Variants in SLC9A1 observed in about 807,000 individuals in gnomAD.
The protein encoded by SLC9A1 is sodium/hydrogen exchanger 1.
Under a neutral mutation model 67.9 loss-of-function variants are expected in SLC9A1, and 22 were observed. That is an observed-to-expected ratio of 0.32 (90% CI 0.23 to 0.46). The LOEUF (loss-of-function observed/expected upper bound fraction) is 0.46, where lower values mean the gene tolerates loss of function less well. Among genes scored for constraint, SLC9A1 ranks in the 20% least tolerant of loss-of-function variants. The pLI, the probability that SLC9A1 is intolerant of heterozygous loss-of-function variation, is 1.00. For synonymous variants in SLC9A1, 421 were observed against 471.8 expected (o/e 0.89, Z 1.40); for missense variants, 686 against 1,094.8 (o/e 0.63, Z 5.27).
In SLC9A1 at chr1:27,100,782, G is replaced by T. The variant is rs527976968; in HGVS notation, c.2111-138C>A. 16 of 701,682 alleles carry T rather than the reference G, an allele frequency of 2.3e-5. No homozygotes were observed. In the African/African-American group the frequency reaches 2.8e-4, roughly 12 times the overall value. The allele number at this position is 701,682 out of a possible 1,614,324, so 43.5% of individuals were successfully genotyped here. A position where few individuals can be genotyped will look rare whatever the true frequency, so the allele number is the denominator to read the frequency against. ...CGGTCCCAACAGGCCTCAGAAGCAG[G>T]CCTCTGCGACCTTCCACCCCACAGC... is the stretch of plus-strand genomic sequence containing the variant. On this transcript the variant is annotated intron_variant, in intron 11 of 11. Coordinates refer to ENST00000263980, the MANE Select transcript of SLC9A1 (RefSeq NM_003047.5). The surrounding 1 kb of genome is among the most constrained non-coding windows in gnomAD (Gnocchi z 5.6).
At position 27,100,433 on chromosome 1, in the gene SLC9A1, G is replaced by A. The variant is rs777703534; in HGVS notation, c.2322C>T (p.Thr774=). Residue 774 remains threonine, a synonymous_variant, in exon 12 of 12, where the codon ACC becomes ACT. Coordinates refer to ENST00000263980, the MANE Select transcript of SLC9A1 (RefSeq NM_003047.5). The surrounding 1 kb of genome is among the most constrained non-coding windows in gnomAD (Gnocchi z 5.6). ...MRSKETSSPG[T]DDVFTPAPSD... ...TGGGCGCGGGGGTGAAGACATCGTC[G>A]GTTCCTGGGGACGAAGTCTCCTTGC... 5.3e-5 allele frequency: 85 copies of A among 1,613,004 alleles called. No homozygotes were observed. Among genetic ancestry groups the A allele is most frequent in the African/African-American group, 6.7e-5 (5 of 74,908 alleles).
intron 1 of SLC9A1, among the ~76,000 whole-genome samples, chr1:27,148,205 T>C (rs2083502688): frequency 6.6e-6 from 1 of 152,166 alleles, no homozygotes; most frequent in African/African-American, 2.4e-5. Context: ...AAGTCCTCCA[T>C]TTCAAAGATT....
Position 27,109,390 on chromosome 1 carries a change from G to T in SLC9A1, c.1064+137C>A, listed in dbSNP as rs192471551. 15 of 938,732 alleles carry T rather than the reference G, an allele frequency of 1.6e-5. No individual in the cohort carries two copies. The East Asian group carries it at 3.6e-4, about 23-fold the overall frequency. 58.2% of individuals were successfully genotyped at this position (938,732 alleles called of 1,614,324 possible). A position where few individuals can be genotyped will look rare whatever the true frequency, so the allele number is the denominator to read the frequency against. ...TAAATGGCTACCAAGCAGGTCTGGA[G>T]CCTGGAGTTCATGTCTCATCCCTGG... On this transcript the variant is annotated intron_variant, in intron 3 of 11. Transcript: ENST00000263980. The surrounding 1 kb of genome is among the most constrained non-coding windows in gnomAD (Gnocchi z 5.5).
chr1:27,147,431 C>G (rs2124213685), intron 1 of SLC9A1, among the ~76,000 whole-genome samples: 1 of 151,922 alleles, frequency 6.6e-6, no homozygotes. Flanking sequence ...GCGGAGGTTG[C>G]TGTGAGCCGA....
intron 2 of SLC9A1, among the ~76,000 whole-genome samples, chr1:27,111,824 TAAAA>T (rs995333848): frequency 2.0e-5 from 3 of 151,860 alleles, no homozygotes; most frequent in African/African-American, 7.3e-5. Context: ...AATAAATAAA[TAAAA>T]ATGAGGCAAT....
At chr1:27,117,815 C>T (rs957259211) in intron 1 of SLC9A1, among the ~76,000 whole-genome samples, 48 of 152,178 alleles carry the variant, frequency 3.2e-4, no homozygotes, top group African/African-American at 5.8e-4. Flanking sequence ...TGTCTCAAAC[C>T]GGTAGCAGAG....
intron 1 of SLC9A1, among the ~76,000 whole-genome samples, chr1:27,152,267 C>T (rs567639504): frequency 9.5e-4 from 145 of 152,184 alleles, no homozygotes; most frequent in Non-Finnish European, 1.9e-3. Flanking sequence ...AGAGTGGGGT[C>T]TCTGCAGTCA....
At chr1:27,145,664 G>A (rs1362260980) in intron 1 of SLC9A1, among the ~76,000 whole-genome samples, 2 of 152,210 alleles carry the variant, frequency 1.3e-5, no homozygotes, top group African/African-American at 4.8e-5. Flanking sequence ...CAGGGAAGGG[G>A]GCCTGGGAAG....
At position 27,125,237 on chromosome 1, in the gene SLC9A1, C is replaced by CTTT. The variant is rs71010327; in HGVS notation, c.353-10954_353-10952dup. Among the ~76,000 whole-genome samples the CTTT allele has an allele frequency of 4.5e-3, 392 of 86,882 alleles. 43 individuals are homozygous for CTTT. The highest frequency in any genetic ancestry group is 0.012 in the South Asian group (24 of 2,020). 57.0% of individuals were successfully genotyped at this position (86,882 alleles called of 152,430 possible). A position where few individuals can be genotyped will look rare whatever the true frequency, so the allele number is the denominator to read the frequency against. On this transcript the variant is annotated intron_variant, in intron 1 of 11. Transcript: ENST00000263980. ...CTCTTTTCCTTCCTTCCTTTTCTTT[C>CTTT]TTTTTTTTTTTTTTTTTTTTTTTTT...
Position 27,109,427 on chromosome 1 carries a change from G to A in SLC9A1, c.1064+100C>T. On this transcript the variant is annotated intron_variant, in intron 3 of 11. Coordinates refer to ENST00000263980, the MANE Select transcript of SLC9A1 (RefSeq NM_003047.5). The surrounding 1 kb of genome is among the most constrained non-coding windows in gnomAD (Gnocchi z 5.5). ...TGTCTCATCCCTGGAGCTCAAGGCT[G>A]GGCCCTGGGAGCTCCGTGAACCTAC... 1 of 1,297,586 alleles carries A rather than the reference G, an allele frequency of 7.7e-7. No individual in the cohort carries two copies. Among genetic ancestry groups the A allele is most frequent in the African/African-American group, 1.4e-5 (1 of 69,410 alleles). The allele number at this position is 1,297,586 out of a possible 1,614,324, so 80.4% of individuals were successfully genotyped here. A position where few individuals can be genotyped will look rare whatever the true frequency, so the allele number is the denominator to read the frequency against.
intron 1 of SLC9A1, among the ~76,000 whole-genome samples, chr1:27,138,392 T>C (rs777590818): frequency 2.1e-4 from 32 of 151,328 alleles, no homozygotes; most frequent in African/African-American, 5.2e-4. Context: ...TTCAGGACAC[T>C]TACCACTACC....
intron 1 of SLC9A1, among the ~76,000 whole-genome samples, chr1:27,120,440 T>C (rs2083297498): frequency 6.6e-6 from 1 of 151,798 alleles, no homozygotes; most frequent in Admixed American, 6.6e-5. Flanking sequence ...AATACTTTTT[T>C]TAAAATGTAG....
intron 2 of SLC9A1, among the ~76,000 whole-genome samples, chr1:27,110,494 C>T (rs1038091416): frequency 6.6e-6 from 1 of 152,190 alleles, no homozygotes; most frequent in Non-Finnish European, 1.5e-5. Flanking sequence ...GCTAAGGCAT[C>T]CCTGTCTCCT....
intron 1 of SLC9A1, among the ~76,000 whole-genome samples, chr1:27,153,579 G>A (rs1388628721): frequency 6.6e-6 from 1 of 152,218 alleles, no homozygotes; most frequent in Non-Finnish European, 1.5e-5. Flanking sequence ...GTCATAAATT[G>A]CACTGGTTGC....
At position 27,100,128 on chromosome 1, in the gene SLC9A1, C is replaced by T; in HGVS notation, c.*179G>A. ...GGAGGCAGCTCTGGTGGGGAGGATGCTTCCCGGGAGGCGGCAGGGGAGGAG... is the reference window on the plus strand; with the variant it reads ...GGAGGCAGCTCTGGTGGGGAGGATGTTTCCCGGGAGGCGGCAGGGGAGGAG... On this transcript the variant is annotated 3_prime_UTR_variant, in exon 12 of 12. Coordinates refer to ENST00000263980, the MANE Select transcript of SLC9A1 (RefSeq NM_003047.5). The surrounding 1 kb of genome is among the most constrained non-coding windows in gnomAD (Gnocchi z 5.6). The T allele has an allele frequency of 2.0e-6, 1 of 487,962 alleles. No homozygotes were observed. Among genetic ancestry groups the T allele is most frequent in the South Asian group, 4.1e-5 (1 of 24,322 alleles). The allele number at this position is 487,962 out of a possible 1,614,324, so 30.2% of individuals were successfully genotyped here.
chr1:27,109,439 C>T lies in SLC9A1; in HGVS notation c.1064+88G>A. 7.1e-7 allele frequency: 1 copy of T among 1,416,092 alleles called. No homozygotes were observed. Among genetic ancestry groups the T allele is most frequent in the Non-Finnish European group, 9.8e-7 (1 of 1,024,258 alleles). The allele number at this position is 1,416,092 out of a possible 1,614,324, so 87.7% of individuals were successfully genotyped here. A position where few individuals can be genotyped will look rare whatever the true frequency, so the allele number is the denominator to read the frequency against. On this transcript the variant is annotated intron_variant, in intron 3 of 11. Transcript: ENST00000263980. This position sits in a 1 kb window ranked among gnomAD's most constrained non-coding sequence, Gnocchi z 5.5. The stretch of plus-strand genomic sequence containing the variant: ...GGAGCTCAAGGCTGGGCCCTGGGAG[C>T]TCCGTGAACCTACGAGCCTGGGGAA...
At chr1:27,131,950 AT>A (rs1557428211) in intron 1 of SLC9A1, among the ~76,000 whole-genome samples, 40,882 of 91,326 alleles carry the variant, frequency 0.45, 9,922 homozygotes, top group East Asian at 0.71. Context: ...AAAAAAAAAT[AT>A]ATATATATAT....
In SLC9A1 at chr1:27,100,957, A is replaced by T. The variant is rs2083138531; in HGVS notation, c.2110+246T>A. On this transcript the variant is annotated intron_variant, in intron 11 of 11. Transcript: ENST00000263980. This position sits in a 1 kb window ranked among gnomAD's most constrained non-coding sequence, Gnocchi z 5.6. ...CACGTGTTGGGGGTCTCGATGGGGC[A>T]GATACCCTGCCTTCCTGCCAGGCAC... 6.6e-6 allele frequency among the ~76,000 whole-genome samples: 1 copy of T among 152,196 alleles called. No homozygotes were observed. The highest frequency in any genetic ancestry group is 2.4e-5 in the African/African-American group (1 of 41,466).
chr1:27,119,024 T>C (rs2083289231), intron 1 of SLC9A1, among the ~76,000 whole-genome samples: 1 of 147,766 alleles, frequency 6.8e-6, no homozygotes, highest in Non-Finnish European at 1.5e-5. Context: ...CTATCTAGTG[T>C]AGGTGGTAGC....
Sources: gnomAD v4.1 joint callset for allele counts (sites outside exome capture counted in the v4.1 genomes callset) on GRCh38, gnomAD v4.1.1 for gene constraint, Gnocchi (gnomAD v3.1) non-coding constraint, MANE v1.5 for transcripts, NCBI Gene and HGNC (gene_info 2026-07-23, HGNC 2026-07-21) for gene names.